MOB3B: variants seen among roughly 807,000 people sequenced by gnomAD.
The protein encoded by MOB3B is MOB kinase activator-like 2B.
In MOB3B, 7 loss-of-function variants were observed where a neutral mutation model predicts 18.7. The ratio of observed to expected loss-of-function variants is 0.37; its 90% CI spans 0.21 to 0.70. The LOEUF (loss-of-function observed/expected upper bound fraction) is 0.70. Ranked by LOEUF, MOB3B falls within the 30% of genes least tolerant of loss-of-function variation. The pLI is 0.52. For missense variants in MOB3B, 253 were observed against 281.3 expected, an observed-to-expected ratio of 0.90 and a Z score of 0.72; for synonymous variants, 111 against 99.9, an observed-to-expected ratio of 1.11 and a Z score of -0.66.
intron 1 of MOB3B, among the ~76,000 whole-genome samples, chr9:27,472,817 C>T (rs1175538464): frequency 6.6e-6 from 1 of 151,588 alleles, no homozygotes; most frequent in East Asian, 2.0e-4. Context: ...ATCATTTCTT[C>T]TACCAACTTT....
intron 2 of MOB3B, among the ~76,000 whole-genome samples, chr9:27,367,862 G>C (rs933063010): frequency 6.6e-6 from 1 of 152,182 alleles, no homozygotes; most frequent in Non-Finnish European, 1.5e-5. Flanking sequence ...AAGGACATAT[G>C]ATGAAACCTG....
chr9:27,510,908 AG>A (rs1408824401), intron 1 of MOB3B, among the ~76,000 whole-genome samples: 4 of 152,214 alleles, frequency 2.6e-5, no homozygotes, highest in African/African-American at 9.6e-5. Flanking sequence ...CTCTTCTCAC[AG>A]GGGCATTAGT....
At chr9:27,505,972 C>G (rs1820052874) in intron 1 of MOB3B, among the ~76,000 whole-genome samples, 1 of 152,240 alleles carries the variant, frequency 6.6e-6, no homozygotes, top group East Asian at 1.9e-4. Flanking sequence ...TTTTACCTTT[C>G]TCTCTCTTAG....
chr9:27,426,557 C>T (rs953443514), intron 2 of MOB3B, among the ~76,000 whole-genome samples: 3 of 152,234 alleles, frequency 2.0e-5, no homozygotes, highest in African/African-American at 7.2e-5. Context: ...ATTTCTGAAG[C>T]TCGCTCCAGA....
In MOB3B at chr9:27,517,509, G is replaced by A. The variant is rs1193276268; in HGVS notation, c.-199+12046C>T. On this transcript the variant is annotated intron_variant, in intron 1 of 3. Transcript: ENST00000262244. ...CTAAAAATACAAAAATTAGCCGGGCGTAGTGGCACATGCCTGTAATCCCAG... is the reference window on the plus strand; with the variant it reads ...CTAAAAATACAAAAATTAGCCGGGCATAGTGGCACATGCCTGTAATCCCAG... Among the ~76,000 whole-genome samples the A allele has an allele frequency of 3.3e-5, 5 of 151,920 alleles. No individual in the cohort carries two copies. In the South Asian group the frequency reaches 6.3e-4, roughly 19 times the overall value.
intron 2 of MOB3B, among the ~76,000 whole-genome samples, chr9:27,434,131 G>A (rs1226154959): frequency 6.6e-6 from 1 of 152,158 alleles, no homozygotes; most frequent in African/African-American, 2.4e-5. Context: ...AATCAGAGAT[G>A]TTGATTAGAT....
At chr9:27,513,970 T>C (rs1820189890) in intron 1 of MOB3B, among the ~76,000 whole-genome samples, 1 of 152,032 alleles carries the variant, frequency 6.6e-6, no homozygotes, top group Admixed American at 6.6e-5. Flanking sequence ...GTAGATACTT[T>C]CTGAATTATT....
At chr9:27,412,018 G>C (rs1212284869) in intron 2 of MOB3B, among the ~76,000 whole-genome samples, 2 of 152,052 alleles carry the variant, frequency 1.3e-5, no homozygotes, top group Non-Finnish European at 2.9e-5. Context: ...GATAAAAAAA[G>C]AAGATGCTTG....
chr9:27,341,300 T>C (rs1820938039), intron 3 of MOB3B, among the ~76,000 whole-genome samples: 1 of 152,218 alleles, frequency 6.6e-6, no homozygotes, highest in African/African-American at 2.4e-5. Flanking sequence ...TTTCAGAGCA[T>C]GGGTCCCTAA....
intron 1 of MOB3B, among the ~76,000 whole-genome samples, chr9:27,475,804 C>A (rs965144302): frequency 1.3e-5 from 2 of 152,176 alleles, no homozygotes; most frequent in African/African-American, 4.8e-5. Flanking sequence ...ACATCCCAAA[C>A]TCCTCACACC....
intron 1 of MOB3B, among the ~76,000 whole-genome samples, chr9:27,500,567 C>A (rs1376970139): frequency 1.3e-5 from 2 of 152,148 alleles, no homozygotes; most frequent in Non-Finnish European, 2.9e-5. Flanking sequence ...GAAACTGGAT[C>A]CCTTCCTTAC....
chr9:27,482,651 G>C (rs199708054), intron 1 of MOB3B, among the ~76,000 whole-genome samples: 5,000 of 152,154 alleles, frequency 0.033, 426 homozygotes, highest in East Asian at 0.28. Flanking sequence ...CGTGCTGGTG[G>C]CCTGCCCAGA....
At chr9:27,339,943 C>T (rs1563844103) in intron 3 of MOB3B, among the ~76,000 whole-genome samples, 2 of 152,144 alleles carry the variant, frequency 1.3e-5, no homozygotes, top group Non-Finnish European at 1.5e-5. Flanking sequence ...GGCAGGGCAG[C>T]CAGTCTACAA....
intron 2 of MOB3B, among the ~76,000 whole-genome samples, chr9:27,375,716 G>A (rs1821480241): frequency 6.6e-6 from 1 of 152,102 alleles, no homozygotes; most frequent in Non-Finnish European, 1.5e-5. Context: ...ACCTTGCAGA[G>A]CAAAAGCCCT....
At chr9:27,494,114 C>A (rs1207372363) in intron 1 of MOB3B, among the ~76,000 whole-genome samples, 1 of 152,192 alleles carries the variant, frequency 6.6e-6, no homozygotes, top group Non-Finnish European at 1.5e-5. Flanking sequence ...ATAGTGCTCC[C>A]AGGCTTATTA....
chr9:27,459,146 C>T (rs1168339726), intron 1 of MOB3B, among the ~76,000 whole-genome samples: 2 of 152,118 alleles, frequency 1.3e-5, no homozygotes, highest in East Asian at 1.9e-4. Context: ...GCGCAGGTAC[C>T]TGAGAGTTTT....
Position 27,333,846 on chromosome 9 carries a change from G to A in MOB3B, c.622-3230C>T, listed in dbSNP as rs58502807. 2.5e-3 allele frequency among the ~76,000 whole-genome samples: 384 copies of A among 152,148 alleles called. 2 individuals carry two copies. Among genetic ancestry groups the A allele is most frequent in the African/African-American group, 7.9e-3 (329 of 41,492 alleles). On this transcript the variant is annotated intron_variant, in intron 3 of 3. Transcript: ENST00000262244. ...GCCTGTCAAAGAAAGAGGACCCATC[G>A]CCCCCTGCTCACCTCCTGCTGAATT...
chr9:27,461,229 A>C (rs557895473), intron 1 of MOB3B, among the ~76,000 whole-genome samples: 1 of 152,260 alleles, frequency 6.6e-6, no homozygotes, highest in East Asian at 1.9e-4. Context: ...TTTATTTTAG[A>C]GGGGTGTATG....
intron 2 of MOB3B, among the ~76,000 whole-genome samples, chr9:27,366,027 T>C (rs1821338168): frequency 6.6e-6 from 1 of 152,124 alleles, no homozygotes; most frequent in Admixed American, 6.5e-5. Context: ...TTCTGAGCAA[T>C]TAGGCTAAGG....
Sources: allele counts gnomAD v4.1 joint callset (sites outside exome capture counted in the v4.1 genomes callset), GRCh38; gene constraint gnomAD v4.1.1; transcripts MANE v1.5; gene names NCBI Gene and HGNC (gene_info 2026-07-23, HGNC 2026-07-21).